The following RACK1 variants were observed in gnomAD, a reference collection of about 807,000 sequenced individuals.
RACK1 encodes the protein receptor for activated C kinase 1, also known as small ribosomal subunit protein RACK1.
Under a neutral mutation model 42.2 loss-of-function variants are expected in RACK1, and 3 were observed. The observed-to-expected ratio is 0.07, with a 90% confidence interval of 0.03 to 0.18. The LOEUF (loss-of-function observed/expected upper bound fraction) is 0.18, where lower values mean the gene tolerates loss of function less well. RACK1 is among the 10% of genes least tolerant of loss of function. RACK1 has a pLI of 1.00. For synonymous variants in RACK1, 181 were observed against 154.8 expected (o/e 1.17, Z -1.25); for missense variants, 146 against 403.2 (o/e 0.36, Z 5.46).
Position 181,242,239 on chromosome 5 carries a change from G to A in RACK1, c.216C>T (p.Ser72=), listed in dbSNP as rs11249777. The change falls in exon 2 of 8, where the codon TCC becomes TCT. Residue 72 remains serine (S), a synonymous_variant. Transcript: ENST00000512805. ...CTGAGAGGGCAAACTGGCCATCTGAGGAGATAACCACATCACTAACAAAGT... is the reference window on the plus strand; with the variant it reads ...CTGAGAGGGCAAACTGGCCATCTGAAGAGATAACCACATCACTAACAAAGT... The part of the protein sequence containing the change: ...HSHFVSDVVI[S]SDGQFALSGS... 1.8e-5 allele frequency: 29 copies of A among 1,613,740 alleles called. No individual in the cohort carries two copies. Among genetic ancestry groups the A allele is most frequent in the African/African-American group, 2.7e-5 (2 of 74,918 alleles).
At chr5:181,242,549 T>G (rs1307997811) in intron 1 of RACK1, 1 of 673,924 alleles carries the variant, frequency 1.5e-6, no homozygotes, top group East Asian at 2.9e-5. Flanking sequence ...AGAGGTAAAC[T>G]GTACCCTGAT....
chr5:181,243,362 T>A (rs1158913854), intron 1 of RACK1: 1 of 1,390,690 alleles, frequency 7.2e-7, no homozygotes, highest in East Asian at 3.9e-5. Context: ...GATGGCATGT[T>A]GGGGTCATCA....
At chr5:181,243,269 C>T (rs1339639032) in intron 1 of RACK1, 2 of 1,354,014 alleles carry the variant, frequency 1.5e-6, no homozygotes, top group Admixed American at 1.9e-5. Flanking sequence ...CCACGAGGTC[C>T]TCTGGAGTCC....
In RACK1 at chr5:181,238,258, A is replaced by T. The variant is rs1759211333; in HGVS notation, c.637-19T>A. On this transcript the variant is annotated intron_variant, in intron 5 of 7. Transcript: ENST00000512805. ...GGCCATCCTGGACACAGGTAAGGTA[A>T]ATCAGGACACTGTGACCTCTTCCAG... 2 of 1,613,360 alleles carry T rather than the reference A, an allele frequency of 1.2e-6. No homozygotes were observed. The highest frequency in any genetic ancestry group is 2.2e-5 in the South Asian group (2 of 91,068).
At chr5:181,237,299 G>T (rs1358530541) in intron 7 of RACK1, 1 of 732,780 alleles carries the variant, frequency 1.4e-6, no homozygotes, top group Non-Finnish European at 2.4e-6. Flanking sequence ...CAGCCAGCTT[G>T]TAAGTGGTGG....
intron 1 of RACK1, chr5:181,242,560 A>C (rs1023333481): frequency 3.1e-6 from 2 of 655,162 alleles, no homozygotes; most frequent in East Asian, 6.0e-5. Flanking sequence ...GTACCCTGAT[A>C]ACTTTTTTTT....
At chr5:181,237,126 A>G in intron 7 of RACK1, 84 bp from the exon 8 acceptor site, 1 of 1,585,146 alleles carries the variant, frequency 6.3e-7, no homozygotes, top group South Asian at 1.1e-5. Context: ...GCTTTTTTTG[A>G]GATCCGTCCA....
chr5:181,237,445 C>T (rs1277472616), intron 7 of RACK1, 164 bp downstream of exon 7: 2 of 668,828 alleles, frequency 3.0e-6, no homozygotes, highest in African/African-American at 1.8e-5. Flanking sequence ...TGCAGAAACA[C>T]ATTCACTGGC....
intron 5 of RACK1, 85 bp downstream of exon 5, chr5:181,238,982 G>A (rs1309850765): frequency 1.2e-6 from 1 of 857,050 alleles, no homozygotes; most frequent in Admixed American, 1.7e-5. Flanking sequence ...GCTAATGTTT[G>A]CCATTTTACG....
At chr5:181,243,594 G>T in intron 1 of RACK1, 98 bp downstream of exon 1, 1 of 1,465,980 alleles carries the variant, frequency 6.8e-7, no homozygotes, top group Non-Finnish European at 9.2e-7. Context: ...CAACTCGCGC[G>T]CCACCGGCCT....
chr5:181,243,881 T>C lies in RACK1; in HGVS notation c.-81A>G, dbSNP rs904773818. ...GAGAAACTAGCACCACAACCTCTCCTGCCGCCGCCTTGCAGTGAAAGAGAG... is the reference window on the plus strand; with the variant it reads ...GAGAAACTAGCACCACAACCTCTCCCGCCGCCGCCTTGCAGTGAAAGAGAG... On this transcript the variant is annotated 5_prime_UTR_variant, in exon 1 of 8. Transcript: ENST00000512805. The C allele has an allele frequency of 2.5e-5, 37 of 1,488,530 alleles. No individual in the cohort carries two copies. Among genetic ancestry groups the C allele is most frequent in the East Asian group, 7.7e-5 (3 of 39,084 alleles). 92.2% of individuals were successfully genotyped at this position (1,488,530 alleles called of 1,614,324 possible). A position where few individuals can be genotyped will look rare whatever the true frequency, so the allele number is the denominator to read the frequency against.
chr5:181,239,432 A>G (rs775362656), intron 4 of RACK1, 55 bp downstream of exon 4: 4 of 1,274,586 alleles, frequency 3.1e-6, no homozygotes, highest in Non-Finnish European at 4.6e-6. Flanking sequence ...GGAGTGTATG[A>G]CCACCTGGGA....
intron 5 of RACK1, 59 bp from the exon 6 acceptor site, chr5:181,238,298 C>T (rs746346568): frequency 1.3e-6 from 2 of 1,555,028 alleles, no homozygotes; most frequent in Admixed American, 3.4e-5. Context: ...TAATTCTGCC[C>T]ATCTCAAGAT....
At chr5:181,240,587 CTTTCACCT>C (rs1459660115) in intron 3 of RACK1, 5 of 152,210 alleles carry the variant, frequency 3.3e-5, no homozygotes, top group African/African-American at 9.7e-5. Flanking sequence ...CGGCAACTCC[CTTTCACCT>C]TTTCACCGCC....
In RACK1 at chr5:181,237,637, G is replaced by A; in HGVS notation, c.860C>T (p.Thr287Ile). Residue 287 changes from threonine to isoleucine, a missense_variant, in exon 7 of 8, where the codon ACC becomes ATC. Transcript: ENST00000512805. ...TSSKAEPPQC[T>I]SLAWSADGQT... is the part of the protein sequence containing the mutation. ...GCCATCAGCAGACCAGGCCAGGGAG[G>A]TGCACTGGGGTGGTTCTGCCTTGCT... 1 of 1,607,090 alleles carries A rather than the reference G, an allele frequency of 6.2e-7. No individual in the cohort carries two copies. Among genetic ancestry groups the A allele is most frequent in the Non-Finnish European group, 8.5e-7 (1 of 1,173,570 alleles).
At chr5:181,241,146 G>T in intron 3 of RACK1, 1 of 167,480 alleles carries the variant, frequency 6.0e-6, no homozygotes, top group Non-Finnish European at 1.2e-5. Context: ...AAAAGGCAAA[G>T]ATAGGCAGGT....
At chr5:181,242,762 T>C (rs981768549) in intron 1 of RACK1, 5 of 349,502 alleles carry the variant, frequency 1.4e-5, no homozygotes, top group African/African-American at 6.5e-5. Context: ...GGTTTCACCA[T>C]TGGCCAGGCT....
chr5:181,237,132 G>A (rs769861691), intron 7 of RACK1, 90 bp from the exon 8 acceptor site: 79 of 1,578,534 alleles, frequency 5.0e-5, no homozygotes, highest in Non-Finnish European at 6.5e-5. Context: ...TTTGAGATCC[G>A]TCCACCTTGC....
At chr5:181,241,124 G>GAA (rs34883535) in intron 3 of RACK1, 150 of 133,802 alleles carry the variant, frequency 1.1e-3, no homozygotes, top group South Asian at 4.5e-3. Flanking sequence ...CTGTCTCCGA[G>GAA]AAAAAAAAAA....
Sources: allele counts gnomAD v4.1 joint callset, GRCh38; gene constraint gnomAD v4.1.1; transcripts MANE v1.5; gene names NCBI Gene and HGNC (gene_info 2026-07-23, HGNC 2026-07-21).